ECEL1: variants seen among roughly 807,000 people sequenced by gnomAD.
The protein encoded by ECEL1 is endothelin-converting enzyme-like 1.
ECEL1 carries 87 observed loss-of-function variants against 101.8 expected under a neutral mutation model. The observed-to-expected ratio is 0.85, with a 90% CI of 0.72 to 1.02. The LOEUF (loss-of-function observed/expected upper bound fraction) is 1.02. Ranked by LOEUF, ECEL1 falls within the 50% of genes least tolerant of loss-of-function variation. The probability of loss-of-function intolerance (pLI) is 0.00; values close to 1 mark genes in which losing one functional copy is unlikely to be tolerated. For synonymous variants in ECEL1, 487 were observed against 468.7 expected, an observed-to-expected ratio of 1.04 and a Z score of -0.50; for missense variants, 1,032 against 1,079.2, an observed-to-expected ratio of 0.96 and a Z score of 0.61.
rs759043769 is a variant in ECEL1 at position 232,485,940 on chromosome 2, C to T, written c.714G>A (p.Val238=). Residue 238 remains valine, a synonymous_variant, in exon 2 of 18, where the codon GTG becomes GTA. Coordinates refer to ENST00000304546, the MANE Select transcript of ECEL1 (RefSeq NM_004826.4). ...GCGAGAAGAGCGCGGCGGCGCTGTACACGCCCTGCGCCTTGTACAGCAGCC... is the reference window on the plus strand; with the variant it reads ...GCGAGAAGAGCGCGGCGGCGCTGTATACGCCCTGCGCCTTGTACAGCAGCC... ...LNRLLYKAQG[V]YSAAALFSLT... 1.4e-5 allele frequency: 22 copies of T among 1,583,110 alleles called. No homozygotes were observed. Among genetic ancestry groups the T allele is most frequent in the Non-Finnish European group, 1.8e-5 (21 of 1,166,950 alleles).
At position 232,486,562 on chromosome 2, in the gene ECEL1, GC is replaced by G; in HGVS notation, c.91del (p.Ala31ProfsTer172). The G allele has an allele frequency of 2.2e-6, 3 of 1,372,364 alleles. No homozygotes were observed. The highest frequency in any genetic ancestry group is 1.7e-5 in the South Asian group (1 of 58,092). The allele number at this position is 1,372,364 out of a possible 1,614,324, so 85.0% of individuals were successfully genotyped here. On this transcript the variant is annotated frameshift_variant, in exon 2 of 18. Transcript: ENST00000304546. LOFTEE classifies it high-confidence loss of function. ...CAACGGGAAGCCCGGGGGCAGGGAG[GC>G]CCCGCGCGCGCCCCCCGCGCCGCAG... ...SRCGAGGARGASLPPGFPLGA... is the reference protein window; with the variant it reads ...SRCGAGGARGXSLPPGFPLGA...
chr2:232,484,647 G>A, intron 5 of ECEL1, 51 bp from the exon 6 acceptor site: 1 of 1,609,372 alleles, frequency 6.2e-7, no homozygotes. Flanking sequence ...AGGGGCCACA[G>A]AAGACAGGGA....
intron 5 of ECEL1, 59 bp from the exon 6 acceptor site, chr2:232,484,655 GGA>G: frequency 6.2e-7 from 1 of 1,608,002 alleles, no homozygotes; most frequent in Non-Finnish European, 8.5e-7. Flanking sequence ...CAGAAGACAG[GGA>G]GGGGGCAGAG....
intron 5 of ECEL1, 80 bp from the exon 6 acceptor site, chr2:232,484,676 C>A: frequency 6.2e-7 from 1 of 1,602,218 alleles, no homozygotes; most frequent in East Asian, 2.2e-5. Context: ...AGAGAGGCAG[C>A]GAGGGGACAT....
Position 232,480,748 on chromosome 2 carries a change from A to G in ECEL1, c.2121T>C (p.His707=). 6.2e-7 allele frequency: 1 copy of G among 1,614,118 alleles called. No homozygotes were observed. The highest frequency in any genetic ancestry group is 8.5e-7 in the Non-Finnish European group (1 of 1,179,992). Residue 707 remains histidine (H), a synonymous_variant, in exon 16 of 18, where the codon CAT becomes CAC. Coordinates refer to ENST00000304546, the MANE Select transcript of ECEL1 (RefSeq NM_004826.4). ...CAAAGGCAATGAAGAAGAGCTGGTC[A>G]TGTGTGTACTTGAGCCGGGGAAGTG... ...EHPLPRLKYT[H]DQLFFIAFAQ...
chr2:232,481,252 C>G, intron 14 of ECEL1, 96 bp from the exon 15 acceptor site: 1 of 1,433,386 alleles, frequency 7.0e-7, no homozygotes, highest in Non-Finnish European at 9.5e-7. Flanking sequence ...TTCCTACCAC[C>G]CCTCTCCTTC....
At chr2:232,482,327 G>T in intron 12 of ECEL1, 91 bp downstream of exon 12, 1 of 1,569,898 alleles carries the variant, frequency 6.4e-7, no homozygotes, top group Non-Finnish European at 8.7e-7. Context: ...TGGGGCGATT[G>T]GAGCCACAGT....
At position 232,484,875 on chromosome 2, in the gene ECEL1, C is replaced by T; in HGVS notation, c.985G>A (p.Asp329Asn). 6.2e-7 allele frequency: 1 copy of T among 1,613,870 alleles called. No individual in the cohort carries two copies. Among genetic ancestry groups the T allele is most frequent in the Non-Finnish European group, 8.5e-7 (1 of 1,179,968 alleles). The change falls in exon 5 of 18, where the codon GAC becomes AAC. Residue 329 changes from aspartate to asparagine, a missense_variant. Asp to Asn is a conservative substitution (Grantham distance 23, BLOSUM62 1). Coordinates refer to ENST00000304546, the MANE Select transcript of ECEL1 (RefSeq NM_004826.4). ...GAGCTGACATCTCGCCGTAGGTCGT[C>T]ATGCTCTGACACAGTGATCTGTGGG... ...QLANITVSEHDDLRRDVSSMY... is the reference protein window; with the variant it reads ...QLANITVSEHNDLRRDVSSMY...
At chr2:232,481,236 C>T (rs1690570497) in intron 14 of ECEL1, 80 bp from the exon 15 acceptor site, 2 of 1,501,374 alleles carry the variant, frequency 1.3e-6, no homozygotes, top group East Asian at 2.5e-5. Context: ...GGGCCCCAGC[C>T]CCTAATTCCT....
At position 232,486,662 on chromosome 2, in the gene ECEL1, G is replaced by A. The variant is rs1446459244; in HGVS notation, c.-9C>T. On this transcript the variant is annotated 5_prime_UTR_variant, in exon 2 of 18. Transcript: ENST00000304546. ...GAATACGGGGGCTCCATGGCGCCGA[G>A]GCCGCCGCGGTGCAGACCTGGGCCA... is the stretch of plus-strand genomic sequence containing the variant. The A allele has an allele frequency of 4.6e-6, 7 of 1,521,108 alleles. No individual in the cohort carries two copies. Among genetic ancestry groups the A allele is most frequent in the Non-Finnish European group, 6.1e-6 (7 of 1,145,040 alleles). 94.2% of individuals were successfully genotyped at this position (1,521,108 alleles called of 1,614,324 possible).
intron 8 of ECEL1, 91 bp from the exon 9 acceptor site, chr2:232,483,270 C>T: frequency 2.1e-6 from 3 of 1,459,206 alleles, no homozygotes; most frequent in Middle Eastern, 3.6e-4. Context: ...GAGCACTAGG[C>T]CAGCCTGGGA....
At chr2:232,480,569 C>G in intron 16 of ECEL1, 94 bp from the exon 17 acceptor site, 1 of 1,540,134 alleles carries the variant, frequency 6.5e-7, no homozygotes, top group Non-Finnish European at 8.9e-7. Flanking sequence ...CGGTAGGCCC[C>G]CTCAGCACCA....
rs757490576 is a variant in ECEL1 at position 232,481,624 on chromosome 2, T to C, written c.1871A>G (p.Gln624Arg). Residue 624 changes from glutamine to arginine, a missense_variant, in exon 14 of 18, where the codon CAG becomes CGG. Transcript: ENST00000304546. ...LTHGYDDWGG[Q>R]YDRSGNLLHW... ...CAGCAGGTTCCCTGAGCGGTCATAC[T>C]GGCCCCCTGTGGGCAGTGCAGCAGG... 5.0e-6 allele frequency: 8 copies of C among 1,613,678 alleles called. No individual in the cohort carries two copies. The highest frequency in any genetic ancestry group is 6.8e-6 in the Non-Finnish European group (8 of 1,179,986).
intron 1 of ECEL1, among the ~76,000 whole-genome samples, chr2:232,486,990 T>C (rs1439705438): frequency 2.0e-5 from 3 of 152,126 alleles, no homozygotes; most frequent in African/African-American, 4.8e-5. Flanking sequence ...AGGGCTCTTA[T>C]TGGAAGCAAG....
rs376306807 is a variant in ECEL1 at position 232,481,757 on chromosome 2, C to G, written c.1864+25G>C. On this transcript the variant is annotated intron_variant, in intron 13 of 17. Coordinates refer to ENST00000304546, the MANE Select transcript of ECEL1 (RefSeq NM_004826.4). ...GCCTGTCCTGCCCCCTCCGGGCCAT[C>G]CCCTGGGGCCCCAACAGGCCTCACC... The G allele has an allele frequency of 2.5e-6, 4 of 1,608,644 alleles. No individual in the cohort carries two copies. The African/African-American group carries it at 5.4e-5, about 22-fold the overall frequency.
At position 232,486,659 on chromosome 2, in the gene ECEL1, C is replaced by G. The variant is rs374914147; in HGVS notation, c.-6G>C. ...AGCGAATACGGGGGCTCCATGGCGC[C>G]GAGGCCGCCGCGGTGCAGACCTGGG... is the stretch of plus-strand genomic sequence containing the variant. On this transcript the variant is annotated 5_prime_UTR_variant, in exon 2 of 18. Transcript: ENST00000304546. 2.4e-4 allele frequency: 368 copies of G among 1,521,782 alleles called. No individual in the cohort carries two copies. The highest frequency in any genetic ancestry group is 2.5e-4 in the Non-Finnish European group (290 of 1,145,272). 94.3% of individuals were successfully genotyped at this position (1,521,782 alleles called of 1,614,324 possible).
In ECEL1 at chr2:232,480,192, G is replaced by C. The variant is rs367882171; in HGVS notation, c.2289C>G (p.Asp763Glu). 15 of 1,613,850 alleles carry C rather than the reference G, an allele frequency of 9.3e-6. No homozygotes were observed. The highest frequency in any genetic ancestry group is 1.2e-5 in the Non-Finnish European group (14 of 1,179,974). ...ACTTGTGGGCAGGGTTCATGGGTGA[G>C]TCCTTGGGACAGTGGAAAGCCCGGC... Reference protein sequence around the residue: ...EFGRAFHCPKDSPMNPAHKCS... With the variant: ...EFGRAFHCPKESPMNPAHKCS... The change falls in exon 18 of 18, where the codon GAC becomes GAG. Residue 763 changes from aspartate (D) to glutamate (E), a missense_variant. Coordinates refer to ENST00000304546, the MANE Select transcript of ECEL1 (RefSeq NM_004826.4).
rs1690628358 is a variant in ECEL1 at position 232,483,161 on chromosome 2, T to A, written c.1525A>T (p.Met509Leu). ...ARAKLQYMMV[M>L]VGYPDFLLKP... The stretch of plus-strand genomic sequence containing the variant: ...AGCAGGAAGTCCGGGTAGCCGACCA[T>A]CACCATCATGTACTGGAGCTGCGGG... The change falls in exon 9 of 18, where the codon ATG becomes TTG. Residue 509 changes from methionine to leucine, a missense_variant. Transcript: ENST00000304546. 1.9e-6 allele frequency: 3 copies of A among 1,607,164 alleles called. No homozygotes were observed. The East Asian group carries it at 6.7e-5, about 36-fold the overall frequency.
Position 232,486,276 on chromosome 2 carries a change from G to A in ECEL1, c.378C>T (p.Phe126=). ...LDASIDPCQD[F]YSFACGGWLR... ...GCCAACCGCCGCAGGCGAACGAGTAGAAGTCCTGGCATGGGTCGATGCTGG... is the reference window on the plus strand; with the variant it reads ...GCCAACCGCCGCAGGCGAACGAGTAAAAGTCCTGGCATGGGTCGATGCTGG... Residue 126 remains phenylalanine (F), a synonymous_variant, in exon 2 of 18, where the codon TTC becomes TTT. Coordinates refer to ENST00000304546, the MANE Select transcript of ECEL1 (RefSeq NM_004826.4). 1 of 1,600,162 alleles carries A rather than the reference G, an allele frequency of 6.2e-7. No individual in the cohort carries two copies. Among genetic ancestry groups the A allele is most frequent in the South Asian group, 1.1e-5 (1 of 90,368 alleles).
Sources: gnomAD v4.1 joint callset for allele counts (sites outside exome capture counted in the v4.1 genomes callset) on GRCh38, gnomAD v4.1.1 for gene constraint, MANE v1.5 for transcripts, NCBI Gene and HGNC (gene_info 2026-07-23, HGNC 2026-07-21) for gene names.